CNTN3: variants seen among roughly 807,000 people sequenced by gnomAD.
CNTN3 encodes contactin 3, also known as contactin-3.
A neutral mutation model predicts 119.1 loss-of-function variants in CNTN3; 60 were observed. That is an observed-to-expected ratio of 0.50 (90% CI 0.41 to 0.62). CNTN3 has a LOEUF of 0.62. Ranked by LOEUF, CNTN3 falls within the 20% of genes least tolerant of loss-of-function variation. The pLI, the probability that CNTN3 is intolerant of heterozygous loss-of-function variation, is 0.00. For missense variants in CNTN3, 1,101 were observed against 1,242.4 expected (o/e 0.89, Z 1.71); for synonymous variants, 450 against 438.7 (o/e 1.03, Z -0.32).
rs2106814244 is a variant in CNTN3 at position 74,299,840 on chromosome 3, A to G, written c.2166+28T>C. ...TGATCATGGGAACAGCAAGACCCTG[A>G]TGGGGAAGATGCTGCCCAAACACTT... On this transcript the variant is annotated intron_variant, in intron 17 of 22. Transcript: ENST00000263665. 2.5e-6 allele frequency: 4 copies of G among 1,587,858 alleles called. No homozygotes were observed. The African/African-American group carries it at 4.0e-5, about 16-fold the overall frequency.
At chr3:74,363,220 T>C (rs974279659) in intron 10 of CNTN3, among the ~76,000 whole-genome samples, 1 of 152,160 alleles carries the variant, frequency 6.6e-6, no homozygotes, top group African/African-American at 2.4e-5. Context: ...CAGTTGATCA[T>C]CCCTCCAGGC....
At chr3:74,332,054 T>G (rs1330080758) in intron 13 of CNTN3, among the ~76,000 whole-genome samples, 1 of 152,210 alleles carries the variant, frequency 6.6e-6, no homozygotes, top group Non-Finnish European at 1.5e-5. Flanking sequence ...GAACTACCCC[T>G]AACCTATTTT....
chr3:74,363,893 T>C (rs1003969961), intron 10 of CNTN3, among the ~76,000 whole-genome samples: 1 of 152,144 alleles, frequency 6.6e-6, no homozygotes, highest in Non-Finnish European at 1.5e-5. Context: ...GCTTGGATTT[T>C]CAATCATTTG....
intron 1 of CNTN3, among the ~76,000 whole-genome samples, chr3:74,595,639 AC>A (rs1390398666): frequency 6.6e-6 from 1 of 152,080 alleles, no homozygotes; most frequent in Non-Finnish European, 1.5e-5. Context: ...AAATTCAACA[AC>A]CCTTCTTGCT....
intron 11 of CNTN3, among the ~76,000 whole-genome samples, chr3:74,344,222 A>G (rs1043834664): frequency 4.2e-4 from 64 of 152,102 alleles, no homozygotes; most frequent in African/African-American, 1.5e-3. Flanking sequence ...ATAATCTTCT[A>G]TGTAGAGAGG....
intron 20 of CNTN3, among the ~76,000 whole-genome samples, chr3:74,283,800 G>A (rs544729064): frequency 6.6e-6 from 1 of 152,242 alleles, no homozygotes; most frequent in South Asian, 2.1e-4. Context: ...GTAAAGAGTT[G>A]TAAATACAGA....
At chr3:74,273,338 C>T (rs1701818310) in intron 20 of CNTN3, among the ~76,000 whole-genome samples, 1 of 152,172 alleles carries the variant, frequency 6.6e-6, no homozygotes, top group African/African-American at 2.4e-5. Flanking sequence ...CTCGGATGGA[C>T]AGAGCAGTGT....
chr3:74,308,560 C>A (rs1702611207), intron 13 of CNTN3, among the ~76,000 whole-genome samples: 1 of 152,018 alleles, frequency 6.6e-6, no homozygotes, highest in Non-Finnish European at 1.5e-5. Flanking sequence ...TGCCACGGTG[C>A]CTCAAAGGTA....
chr3:74,607,239 C>T (rs1043622126), intron 1 of CNTN3, among the ~76,000 whole-genome samples: 2 of 151,992 alleles, frequency 1.3e-5, no homozygotes, highest in African/African-American at 2.4e-5. Context: ...GAATATTCAC[C>T]GGAATTAGTA....
intron 2 of CNTN3, among the ~76,000 whole-genome samples, chr3:74,517,118 T>C (rs9839051): frequency 0.92 from 140,091 of 151,840 alleles, 64,796 homozygotes; most frequent in East Asian, 0.98. Flanking sequence ...AAACTCAAAT[T>C]AGAGAGCCAG....
intron 2 of CNTN3, among the ~76,000 whole-genome samples, chr3:74,515,582 C>T (rs770156801): frequency 8.6e-5 from 13 of 151,952 alleles, no homozygotes; most frequent in Admixed American, 2.6e-4. Flanking sequence ...CTATTCATTC[C>T]GAAAGAGCAG....
intron 4 of CNTN3, among the ~76,000 whole-genome samples, chr3:74,463,445 C>A (rs2106980076): frequency 6.6e-6 from 1 of 152,124 alleles, no homozygotes; most frequent in African/African-American, 2.4e-5. Flanking sequence ...TACACCTATC[C>A]CTGCCTCCTG....
intron 5 of CNTN3, among the ~76,000 whole-genome samples, chr3:74,424,217 T>C (rs114983250): frequency 0.016 from 2,485 of 152,142 alleles, 40 homozygotes; most frequent in Middle Eastern, 0.045. Flanking sequence ...ACTGGGGAGA[T>C]AATAAAATTA....
rs753215669 is a variant in CNTN3, at chr3:74,271,708, GACTTC to G, written c.2705-4335_2705-4331del. On this transcript the variant is annotated intron_variant, in intron 20 of 22. Transcript: ENST00000263665. The stretch of plus-strand genomic sequence containing the variant: ...AGCTAGAAGTTACGCTTTGCACTTG[GACTTC>G]ACTTAAGATAATTATTAACATTTGT... 3.9e-4 allele frequency among the ~76,000 whole-genome samples: 60 copies of G among 152,186 alleles called. 1 individual carries two copies. Among genetic ancestry groups the G allele is most frequent in the South Asian group, 1.9e-3 (9 of 4,826 alleles).
chr3:74,537,362 T>C (rs1052287020), intron 1 of CNTN3, among the ~76,000 whole-genome samples: 1 of 152,120 alleles, frequency 6.6e-6, no homozygotes, highest in East Asian at 1.9e-4. Flanking sequence ...GGGGGAACTA[T>C]GTAAAAACAG....
At chr3:74,352,859 G>A (rs890283700) in intron 11 of CNTN3, among the ~76,000 whole-genome samples, 3 of 152,146 alleles carry the variant, frequency 2.0e-5, no homozygotes, top group Non-Finnish European at 2.9e-5. Flanking sequence ...ACGTATCTGA[G>A]GGTAGATTCA....
intron 11 of CNTN3, among the ~76,000 whole-genome samples, chr3:74,343,787 C>T (rs1703607427): frequency 6.6e-6 from 1 of 152,204 alleles, no homozygotes; most frequent in Non-Finnish European, 1.5e-5. Context: ...CTGCCGGGCC[C>T]ACCATCAGAT....
intron 20 of CNTN3, among the ~76,000 whole-genome samples, chr3:74,271,827 G>A (rs973708300): frequency 7.2e-5 from 11 of 152,054 alleles, no homozygotes; most frequent in African/African-American, 2.7e-4. Flanking sequence ...AGTAAGATAC[G>A]GTTGTTTTGG....
chr3:74,444,150 C>G (rs901027649), intron 4 of CNTN3, among the ~76,000 whole-genome samples: 7 of 152,088 alleles, frequency 4.6e-5, no homozygotes, highest in African/African-American at 1.7e-4. Flanking sequence ...TATAATGACA[C>G]CAATCACATT....
Sources: gnomAD v4.1 joint callset for allele counts (sites outside exome capture counted in the v4.1 genomes callset) on GRCh38, gnomAD v4.1.1 for gene constraint, MANE v1.5 for transcripts, NCBI Gene and HGNC (gene_info 2026-07-23, HGNC 2026-07-21) for gene names.